The following PCDHA2 variants were observed in gnomAD, a reference collection of about 807,000 sequenced individuals.
The protein encoded by PCDHA2 is protocadherin alpha-2.
PCDHA2 carries 58 observed loss-of-function variants against 66.0 expected under a neutral mutation model. The ratio of observed to expected loss-of-function variants is 0.88; its 90% CI spans 0.71 to 1.09. The LOEUF (loss-of-function observed/expected upper bound fraction) is 1.09, where lower values mean the gene tolerates loss of function less well. Among genes scored for constraint, PCDHA2 ranks in the 50% least tolerant of loss-of-function variants. The pLI is 0.00. For synonymous variants in PCDHA2, 634 were observed against 554.0 expected, an observed-to-expected ratio of 1.14 and a Z score of -2.03; for missense variants, 1,267 against 1,242.3, an observed-to-expected ratio of 1.02 and a Z score of -0.30.
intron 1 of PCDHA2, chr5:140,876,095 T>C (rs781801828): frequency 4.3e-6 from 7 of 1,613,928 alleles, no homozygotes; most frequent in Non-Finnish European, 5.9e-6. Context: ...ACGCCAAAAC[T>C]CAATTTATTG....
At chr5:140,953,514 AC>A (rs1209488542) in intron 1 of PCDHA2, among the ~76,000 whole-genome samples, 2 of 152,136 alleles carry the variant, frequency 1.3e-5, no homozygotes, top group Non-Finnish European at 2.9e-5. Flanking sequence ...GGCCAAAGCA[AC>A]AAAAACGGGA....
chr5:140,933,270 C>T (rs1388946153), intron 1 of PCDHA2, among the ~76,000 whole-genome samples: 1 of 151,842 alleles, frequency 6.6e-6, no homozygotes, highest in African/African-American at 2.4e-5. Context: ...ATTATATATT[C>T]ATTTGGAACT....
intron 1 of PCDHA2, among the ~76,000 whole-genome samples, chr5:140,898,854 C>G (rs1467228131): frequency 2.0e-5 from 3 of 152,150 alleles, no homozygotes; most frequent in Admixed American, 6.6e-5. Flanking sequence ...TTTGTATCCT[C>G]TTTTATTTCA....
At chr5:140,870,839 T>C (rs1358609489) in intron 1 of PCDHA2, 3 of 1,613,690 alleles carry the variant, frequency 1.9e-6, no homozygotes, top group South Asian at 1.1e-5. Flanking sequence ...GTTAACAAGC[T>C]AGTACCGCGG....
Position 140,827,982 on chromosome 5 carries a change from G to A in PCDHA2, c.2388+30630G>A, listed in dbSNP as rs1466439579. ...TCTATTACTGCATCATTCCCTGACT[G>A]TTGAATGATGGCGGACGCAGAAGAA... On this transcript the variant is annotated intron_variant, in intron 1 of 3. Coordinates refer to ENST00000526136, the MANE Select transcript of PCDHA2 (RefSeq NM_018905.3). 4.2e-6 allele frequency: 6 copies of A among 1,434,114 alleles called. No individual in the cohort carries two copies. The African/African-American group carries it at 8.6e-5, about 20-fold the overall frequency. The allele number at this position is 1,434,114 out of a possible 1,614,324, so 88.8% of individuals were successfully genotyped here.
intron 1 of PCDHA2, chr5:140,834,737 T>C (rs2150225179): frequency 1.9e-6 from 3 of 1,614,230 alleles, no homozygotes; most frequent in African/African-American, 1.3e-5. Context: ...AGGTTTTCCA[T>C]GTGGACGTGG....
intron 3 of PCDHA2, among the ~76,000 whole-genome samples, chr5:141,008,590 T>G (rs1259352249): frequency 6.6e-6 from 1 of 152,216 alleles, no homozygotes; most frequent in Non-Finnish European, 1.5e-5. Context: ...CAGGGCAGAT[T>G]TCACCTCCTC....
At chr5:140,867,055 T>C (rs1177939308) in intron 1 of PCDHA2, 3 of 152,170 alleles carry the variant, frequency 2.0e-5, no homozygotes, top group African/African-American at 7.2e-5. Flanking sequence ...TGTTCAGTAC[T>C]ACTTTATATA....
chr5:140,809,153 G>T (rs558715293), intron 1 of PCDHA2: 2 of 1,613,816 alleles, frequency 1.2e-6, no homozygotes, highest in African/African-American at 1.3e-5. Context: ...GGACCACGGC[G>T]AGCCCGCGCT....
At position 140,955,726 on chromosome 5, in the gene PCDHA2, C is replaced by A. The variant is rs934215613; in HGVS notation, c.2389-23223C>A. Among the ~76,000 whole-genome samples the A allele has an allele frequency of 8.5e-5, 13 of 152,264 alleles. No individual in the cohort carries two copies. In the South Asian group the frequency reaches 2.5e-3, roughly 29 times the overall value. Reference sequence around the variant, plus strand: ...AAGTTTAATAGGAATACCATTGAATCTATAAATTACTTTGAGCATTATTGC... The same window carrying A: ...AAGTTTAATAGGAATACCATTGAATATATAAATTACTTTGAGCATTATTGC... On this transcript the variant is annotated intron_variant, in intron 1 of 3. Coordinates refer to ENST00000526136, the MANE Select transcript of PCDHA2 (RefSeq NM_018905.3).
At chr5:140,981,169 C>T (rs2096920797) in intron 2 of PCDHA2, among the ~76,000 whole-genome samples, 1 of 152,170 alleles carries the variant, frequency 6.6e-6, no homozygotes, top group Admixed American at 6.5e-5. Context: ...GTTGCCTTCC[C>T]TCTAATAGTT....
At chr5:140,957,726 A>T (rs1297510940) in intron 1 of PCDHA2, among the ~76,000 whole-genome samples, 4 of 152,164 alleles carry the variant, frequency 2.6e-5, no homozygotes, top group Non-Finnish European at 5.9e-5. Flanking sequence ...AAGAAGCAGA[A>T]TTATATATAC....
At chr5:140,906,829 C>T (rs2072974984) in intron 1 of PCDHA2, among the ~76,000 whole-genome samples, 1 of 152,244 alleles carries the variant, frequency 6.6e-6, no homozygotes, top group Non-Finnish European at 1.5e-5. Context: ...GAGTAGTAGA[C>T]TGATTTCATC....
At chr5:140,861,665 C>T (rs2047014898) in intron 1 of PCDHA2, 1 of 258,604 alleles carries the variant, frequency 3.9e-6, no homozygotes, top group Admixed American at 4.5e-5. Context: ...AACGAGAGCT[C>T]TTGATTATCG....
At chr5:140,928,585 G>A (rs1554206029) in intron 1 of PCDHA2, 1 of 1,614,194 alleles carries the variant, frequency 6.2e-7, no homozygotes, top group Admixed American at 1.7e-5. Context: ...AAATGGTTCT[G>A]TCCCAGTGGA....
In PCDHA2 at chr5:140,830,600, A is replaced by G. The variant is rs1227931663; in HGVS notation, c.2388+33248A>G. ...TTTTTAATTAATTTTACAAAATTAC[A>G]TATTTTCATTTTATTGTGTTTCTTA... is the stretch of plus-strand genomic sequence containing the variant. On this transcript the variant is annotated intron_variant, in intron 1 of 3. Coordinates refer to ENST00000526136, the MANE Select transcript of PCDHA2 (RefSeq NM_018905.3). 1.8e-5 allele frequency: 12 copies of G among 670,896 alleles called. 1 individual carries two copies. Among genetic ancestry groups the G allele is most frequent in the East Asian group, 1.4e-4 (4 of 29,586 alleles). The allele number at this position is 670,896 out of a possible 1,614,324, so 41.6% of individuals were successfully genotyped here. A position where few individuals can be genotyped will look rare whatever the true frequency, so the allele number is the denominator to read the frequency against.
At chr5:141,006,423 C>T (rs1554260738) in intron 3 of PCDHA2, among the ~76,000 whole-genome samples, 1 of 152,060 alleles carries the variant, frequency 6.6e-6, no homozygotes, top group African/African-American at 2.4e-5. Context: ...CTGTGTTAGC[C>T]AGGATGGTCT....
chr5:140,967,030 C>T, intron 1 of PCDHA2: 1 of 1,609,320 alleles, frequency 6.2e-7, no homozygotes, highest in Non-Finnish European at 8.5e-7. Flanking sequence ...CCAGTCCGCG[C>T]TACCTGGAGC....
chr5:140,861,667 T>G (rs1459883845), intron 1 of PCDHA2: 1 of 254,356 alleles, frequency 3.9e-6, no homozygotes, highest in Admixed American at 4.6e-5. Context: ...CGAGAGCTCT[T>G]GATTATCGTG....
Sources: allele counts gnomAD v4.1 joint callset (sites outside exome capture counted in the v4.1 genomes callset), GRCh38; gene constraint gnomAD v4.1.1; transcripts MANE v1.5; gene names NCBI Gene and HGNC (gene_info 2026-07-23, HGNC 2026-07-21).